CSMD1: variants seen among roughly 807,000 people sequenced by gnomAD.
The protein encoded by CSMD1 is CUB and sushi domain-containing protein 1.
Under a neutral mutation model 417.5 loss-of-function variants are expected in CSMD1, and 213 were observed. That is an observed-to-expected ratio of 0.51 (90% CI 0.46 to 0.57). CSMD1 has a LOEUF of 0.57. CSMD1 is among the 20% of genes least tolerant of loss of function. CSMD1 has a pLI of 0.00. For missense variants in CSMD1, 6,923 were observed against 4,529.7 expected, an observed-to-expected ratio of 1.53 and a Z score of -15.17; for synonymous variants, 2,862 against 1,736.8, an observed-to-expected ratio of 1.65 and a Z score of -16.11.
chr8:3,854,154 A>G (rs1269797356), intron 5 of CSMD1, among the ~76,000 whole-genome samples: 2 of 107,058 alleles, frequency 1.9e-5, no homozygotes, highest in Non-Finnish European at 3.4e-5. Flanking sequence ...AAAGTATAAT[A>G]ATAATAAAAA....
At chr8:3,856,758 G>C (rs1325616623) in intron 5 of CSMD1, among the ~76,000 whole-genome samples, 1 of 152,132 alleles carries the variant, frequency 6.6e-6, no homozygotes, top group Non-Finnish European at 1.5e-5. Context: ...TTGCCATGGT[G>C]TCTTTGTCTC....
chr8:4,649,133 C>G (rs1230173141), intron 1 of CSMD1, among the ~76,000 whole-genome samples: 1 of 152,118 alleles, frequency 6.6e-6, no homozygotes, highest in Non-Finnish European at 1.5e-5. Context: ...CTAACCTTCT[C>G]AAGAAGATAG....
In CSMD1 at chr8:3,307,771, G is replaced by A. The variant is rs1804993748; in HGVS notation, c.3874C>T (p.Pro1292Ser). Residue 1292 changes from proline (P) to serine (S), a missense_variant, in exon 25 of 70, where the codon CCT becomes TCT. By Grantham distance (74) the Pro-to-Ser change is moderately conservative (BLOSUM62 -1). Transcript: ENST00000635120. ...TTGTCATACGGAGCTGGATAGCCAG[G>A]GGACAATATTCGTCCTGATGTGGCT... ...HAATSGRILS[P>S]GYPAPYDNNL... 1.2e-6 allele frequency: 2 copies of A among 1,613,494 alleles called. No homozygotes were observed. The highest frequency in any genetic ancestry group is 1.7e-5 in the Admixed American group (1 of 59,982).
intron 1 of CSMD1, among the ~76,000 whole-genome samples, chr8:4,905,979 T>G (rs562091480): frequency 6.6e-6 from 1 of 152,154 alleles, no homozygotes; most frequent in Non-Finnish European, 1.5e-5. Context: ...TCAAATACTT[T>G]CGGCAACACC....
At chr8:3,109,217 A>G (rs539270137) in intron 43 of CSMD1, among the ~76,000 whole-genome samples, 12 of 152,240 alleles carry the variant, frequency 7.9e-5, no homozygotes, top group Non-Finnish European at 1.2e-4. Flanking sequence ...GTGAGCCAAG[A>G]TCGCGCCACT....
At chr8:3,860,594 A>T (rs1036916944) in intron 5 of CSMD1, among the ~76,000 whole-genome samples, 1 of 152,182 alleles carries the variant, frequency 6.6e-6, no homozygotes, top group Non-Finnish European at 1.5e-5. Flanking sequence ...CATATTACAC[A>T]TCATATATGA....
rs144432847 is a variant in CSMD1 at position 4,266,175 on chromosome 8, G to A, written c.415+153778C>T. ...ACTCATCTACCACCAAAAACCCAGT[G>A]TTATTCACCAAGTTGGAGGTTTTTT... On this transcript the variant is annotated intron_variant, in intron 3 of 69. Transcript: ENST00000635120. 6.5e-3 allele frequency among the ~76,000 whole-genome samples: 680 copies of A among 104,480 alleles called. 98 individuals are homozygous for A. The highest frequency in any genetic ancestry group is 0.017 in the African/African-American group (644 of 38,380). The allele number at this position is 104,480 out of a possible 152,430, so 68.5% of individuals were successfully genotyped here.
At chr8:3,024,922 C>G (rs1809738700) in intron 51 of CSMD1, among the ~76,000 whole-genome samples, 1 of 152,248 alleles carries the variant, frequency 6.6e-6, no homozygotes, top group African/African-American at 2.4e-5. Flanking sequence ...GCTTTGTGTA[C>G]TGCCTGCCTG....
At chr8:4,610,822 G>C (rs977271113) in intron 2 of CSMD1, among the ~76,000 whole-genome samples, 7 of 152,178 alleles carry the variant, frequency 4.6e-5, no homozygotes, top group African/African-American at 1.4e-4. Flanking sequence ...ATGCATGCCT[G>C]TGAGTATAAA....
intron 26 of CSMD1, among the ~76,000 whole-genome samples, chr8:3,237,111 A>T (rs1799198775): frequency 6.6e-6 from 1 of 151,952 alleles, no homozygotes; most frequent in South Asian, 2.1e-4. Context: ...TGCACTGCAG[A>T]ACTGGACGCT....
intron 5 of CSMD1, among the ~76,000 whole-genome samples, chr8:3,770,099 T>G (rs895197005): frequency 6.6e-6 from 1 of 152,214 alleles, no homozygotes; most frequent in Non-Finnish European, 1.5e-5. Flanking sequence ...CTTCTTTCCA[T>G]CAGAGCGATT....
intron 1 of CSMD1, among the ~76,000 whole-genome samples, chr8:4,753,021 T>C (rs1220116391): frequency 6.6e-6 from 1 of 152,196 alleles, no homozygotes; most frequent in Non-Finnish European, 1.5e-5. Context: ...TTATTATTTA[T>C]CCAATGCATA....
chr8:4,964,072 G>C (rs1809689198), intron 1 of CSMD1, among the ~76,000 whole-genome samples: 1 of 151,884 alleles, frequency 6.6e-6, no homozygotes, highest in African/African-American at 2.4e-5. Flanking sequence ...GACATATCTG[G>C]CTTTCTGGGT....
chr8:4,164,944 A>C (rs963176459), intron 3 of CSMD1, among the ~76,000 whole-genome samples: 1 of 151,938 alleles, frequency 6.6e-6, no homozygotes, highest in African/African-American at 2.4e-5. Flanking sequence ...AAGAGACTTC[A>C]TTATCTGTTT....
intron 3 of CSMD1, among the ~76,000 whole-genome samples, chr8:4,168,351 G>A (rs1007816191): frequency 3.3e-5 from 5 of 151,960 alleles, no homozygotes; most frequent in African/African-American, 1.2e-4. Flanking sequence ...ATCCTTGATT[G>A]CGCCACTGTA....
At chr8:4,443,563 C>A (rs1033274239) in intron 2 of CSMD1, among the ~76,000 whole-genome samples, 1 of 152,104 alleles carries the variant, frequency 6.6e-6, no homozygotes, top group Admixed American at 6.6e-5. Context: ...ACGTGTGGCT[C>A]AAGACACATG....
intron 3 of CSMD1, among the ~76,000 whole-genome samples, chr8:4,119,454 C>G (rs557584613): frequency 4.1e-4 from 63 of 152,148 alleles, no homozygotes; most frequent in Non-Finnish European, 6.5e-4. Flanking sequence ...GACTGAATAT[C>G]TGTGTCAGCC....
At chr8:3,948,171 C>T (rs1039218802) in intron 5 of CSMD1, among the ~76,000 whole-genome samples, 1 of 152,138 alleles carries the variant, frequency 6.6e-6, no homozygotes, top group Non-Finnish European at 1.5e-5. Context: ...CACCACTACA[C>T]TGCAGCCTGG....
intron 1 of CSMD1, among the ~76,000 whole-genome samples, chr8:4,656,842 T>C (rs954909593): frequency 1.3e-5 from 2 of 152,040 alleles, no homozygotes; most frequent in African/African-American, 2.4e-5. Flanking sequence ...AAACCACATT[T>C]ACTAATGTGC....
Sources: gnomAD v4.1 joint callset for allele counts (sites outside exome capture counted in the v4.1 genomes callset) on GRCh38, gnomAD v4.1.1 for gene constraint, MANE v1.5 for transcripts, NCBI Gene and HGNC (gene_info 2026-07-23, HGNC 2026-07-21) for gene names.